Variants in LIMCH1 observed in about 807,000 individuals in gnomAD.
LIMCH1 encodes LIM and calponin homology domains-containing protein 1.
Under a neutral mutation model 176.5 loss-of-function variants are expected in LIMCH1, and 113 were observed. That is an observed-to-expected ratio of 0.64 (90% CI 0.55 to 0.75). The LOEUF is 0.75. Among genes scored for constraint, LIMCH1 ranks in the 30% least tolerant of loss-of-function variants. The pLI is 0.00. For missense variants in LIMCH1, 1,674 were observed against 1,814.9 expected, an observed-to-expected ratio of 0.92 and a Z score of 1.41; for synonymous variants, 619 against 645.9, an observed-to-expected ratio of 0.96 and a Z score of 0.63.
intron 2 of LIMCH1, among the ~76,000 whole-genome samples, chr4:41,499,750 G>A (rs1273386940): frequency 1.3e-5 from 2 of 152,140 alleles, no homozygotes; most frequent in South Asian, 2.1e-4. Flanking sequence ...CCCGGGAGGC[G>A]GAGATTGCAG....
chr4:41,437,693 A>C (rs1418026338), intron 1 of LIMCH1, among the ~76,000 whole-genome samples: 1 of 152,252 alleles, frequency 6.6e-6, no homozygotes, highest in African/African-American at 2.4e-5. Flanking sequence ...GGAGGGCCCT[A>C]TGCCTGCTAG....
At chr4:41,691,024 T>C (rs367753502) in intron 30 of LIMCH1, among the ~76,000 whole-genome samples, 4 of 152,294 alleles carry the variant, frequency 2.6e-5, no homozygotes, top group African/African-American at 9.6e-5. Context: ...TCTCAGAAAC[T>C]TTATGAGGAC....
At chr4:41,411,285 T>G (rs139437024) in intron 1 of LIMCH1, among the ~76,000 whole-genome samples, 115 of 152,336 alleles carry the variant, frequency 7.5e-4, no homozygotes, top group African/African-American at 2.6e-3. Flanking sequence ...CCTGTTCCTT[T>G]GCTTGCATGG....
At chr4:41,470,814 T>G (rs1177926635) in intron 1 of LIMCH1, among the ~76,000 whole-genome samples, 1 of 152,050 alleles carries the variant, frequency 6.6e-6, no homozygotes, top group Non-Finnish European at 1.5e-5. Flanking sequence ...TTTCATCTAG[T>G]GGCCTCTGAC....
chr4:41,632,892 C>G, intron 11 of LIMCH1, 25 bp downstream of exon 11: 1 of 1,531,334 alleles, frequency 6.5e-7, no homozygotes, highest in Non-Finnish European at 8.8e-7. Flanking sequence ...TTCCTGCCTT[C>G]CCGGGAGGTG....
At chr4:41,540,169 C>G (rs2078433305) in intron 1 of LIMCH1, among the ~76,000 whole-genome samples, 2 of 152,144 alleles carry the variant, frequency 1.3e-5, no homozygotes, top group Non-Finnish European at 2.9e-5. Context: ...AATATAGTAA[C>G]TACCTTATGT....
At chr4:41,508,327 G>C (rs958178270) in intron 2 of LIMCH1, among the ~76,000 whole-genome samples, 3 of 152,192 alleles carry the variant, frequency 2.0e-5, no homozygotes, top group Admixed American at 6.5e-5. Context: ...AATAATTTTG[G>C]TGTTTCAGTT....
At chr4:41,493,572 C>G (rs2071491967) in intron 1 of LIMCH1, among the ~76,000 whole-genome samples, 1 of 152,012 alleles carries the variant, frequency 6.6e-6, no homozygotes, top group Non-Finnish European at 1.5e-5. Flanking sequence ...TCTATGTGTA[C>G]TGGAAGATGT....
chr4:41,489,647 A>T (rs1203934985), intron 1 of LIMCH1, among the ~76,000 whole-genome samples: 1 of 152,060 alleles, frequency 6.6e-6, no homozygotes, highest in Non-Finnish European at 1.5e-5. Context: ...CAGATAACAT[A>T]TTTTGTATGA....
At chr4:41,476,235 T>TGTTG (rs796084676) in intron 1 of LIMCH1, among the ~76,000 whole-genome samples, 3 of 152,222 alleles carry the variant, frequency 2.0e-5, no homozygotes, top group African/African-American at 7.2e-5. Flanking sequence ...TCCCATTGTT[T>TGTTG]GTTGGTTGGT....
chr4:41,600,032 G>C (rs927004926), intron 2 of LIMCH1, among the ~76,000 whole-genome samples: 1 of 151,886 alleles, frequency 6.6e-6, no homozygotes, highest in Non-Finnish European at 1.5e-5. Flanking sequence ...AGGAAAAATA[G>C]GAAAAAAATG....
chr4:41,634,598 A>G (rs1192185582), intron 13 of LIMCH1, among the ~76,000 whole-genome samples: 1 of 152,170 alleles, frequency 6.6e-6, no homozygotes, highest in Non-Finnish European at 1.5e-5. Flanking sequence ...AATTTAATCT[A>G]TATTTTACAT....
In LIMCH1 at chr4:41,402,915, A is replaced by G. The variant is rs919467304; in HGVS notation, c.96+41979A>G. On this transcript the variant is annotated intron_variant, in intron 1 of 26. Transcript: ENST00000313860. Reference sequence around the variant, plus strand: ...TGGGTGCAGCACACCAGCATGGCACATGTATACATATGTAACTAACCTGCA... The same window carrying G: ...TGGGTGCAGCACACCAGCATGGCACGTGTATACATATGTAACTAACCTGCA... 7.9e-5 allele frequency among the ~76,000 whole-genome samples: 12 copies of G among 151,902 alleles called. No homozygotes were observed. In the South Asian group the frequency reaches 2.5e-3, roughly 32 times the overall value.
chr4:41,399,683 C>CTTTTTT (rs1353461851), intron 1 of LIMCH1, among the ~76,000 whole-genome samples: 12 of 19,740 alleles, frequency 6.1e-4, no homozygotes, highest in African/African-American at 2.4e-3. Context: ...GAGGTGGATA[C>CTTTTTT]TCTTTTTTTT....
intron 1 of LIMCH1, among the ~76,000 whole-genome samples, chr4:41,542,189 G>A (rs930828447): frequency 6.6e-6 from 1 of 151,960 alleles, no homozygotes; most frequent in South Asian, 2.1e-4. Flanking sequence ...CATCTTCCTC[G>A]TTTCCGTTTC....
intron 1 of LIMCH1, among the ~76,000 whole-genome samples, chr4:41,376,039 C>T (rs2054716515): frequency 6.6e-6 from 1 of 152,116 alleles, no homozygotes; most frequent in African/African-American, 2.4e-5. Context: ...AACATTTGCC[C>T]TTGACATGAG....
rs1202737292 is a variant in LIMCH1, at chr4:41,627,125, T to G, written c.1028+115T>G. 6 of 1,331,766 alleles carry G rather than the reference T, an allele frequency of 4.5e-6. No individual in the cohort carries two copies. In the African/African-American group the frequency reaches 8.8e-5, roughly 19 times the overall value. 82.5% of individuals were successfully genotyped at this position (1,331,766 alleles called of 1,614,324 possible). A position where few individuals can be genotyped will look rare whatever the true frequency, so the allele number is the denominator to read the frequency against. ...TTTGTATTGTACCCCCTCCAGTTCCTCTTTCCAGCCTCTCAATTATATGTA... is the reference window on the plus strand; with the variant it reads ...TTTGTATTGTACCCCCTCCAGTTCCGCTTTCCAGCCTCTCAATTATATGTA... On this transcript the variant is annotated intron_variant, in intron 8 of 31. Transcript: ENST00000503057.
chr4:41,615,750 T>C (rs1299011201), intron 5 of LIMCH1, among the ~76,000 whole-genome samples: 1 of 152,224 alleles, frequency 6.6e-6, no homozygotes, highest in Non-Finnish European at 1.5e-5. Context: ...TTGTAAGTCT[T>C]GAGAATTTAT....
At chr4:41,382,839 T>C (rs1172720722) in intron 1 of LIMCH1, among the ~76,000 whole-genome samples, 1 of 152,318 alleles carries the variant, frequency 6.6e-6, no homozygotes, top group East Asian at 1.9e-4. Flanking sequence ...TCACCCAGGC[T>C]GGAGTGCAGT....
Sources: gnomAD v4.1 joint callset for allele counts (sites outside exome capture counted in the v4.1 genomes callset) on GRCh38, gnomAD v4.1.1 for gene constraint, MANE v1.5 for transcripts, NCBI Gene and HGNC (gene_info 2026-07-23, HGNC 2026-07-21) for gene names.